Variants in CHD6 observed in about 807,000 individuals in gnomAD.
CHD6 encodes the protein ATP-dependent chromatin remodeler CHD6.
Under a neutral mutation model 276.9 loss-of-function variants are expected in CHD6, and 50 were observed. That is an observed-to-expected ratio of 0.18 (90% CI 0.14 to 0.23). The LOEUF is 0.23. Ranked by LOEUF, CHD6 falls within the 10% of genes least tolerant of loss-of-function variation. The pLI, the probability that CHD6 is intolerant of heterozygous loss-of-function variation, is 1.00. For missense variants in CHD6, 2,564 were observed against 3,365.8 expected (o/e 0.76, Z 5.89); for synonymous variants, 1,173 against 1,229.3 (o/e 0.95, Z 0.96).
chr20:41,457,347 C>T lies in CHD6; in HGVS notation c.2746G>A (p.Glu916Lys). 6.2e-7 allele frequency: 1 copy of T among 1,614,128 alleles called. No homozygotes were observed. The highest frequency in any genetic ancestry group is 8.5e-7 in the Non-Finnish European group (1 of 1,180,002). ...RLITRNSYER[E>K]MFDKASLKLG... ...TTTAGGCTGGCCTTGTCAAACATCT[C>T]GCGCTCGTAGGAATTTCGAGTGATG... Residue 916 changes from glutamate to lysine, a missense_variant, in exon 18 of 37, where the codon GAG becomes AAG. Around this residue, in one of 7 missense-constraint regions of CHD6, gnomAD observed 457 missense variants for 889.0 expected, o/e 0.51. Coordinates refer to ENST00000373233, the MANE Select transcript of CHD6 (RefSeq NM_032221.5).
chr20:41,413,268 G>T (rs1228013907), intron 35 of CHD6, 56 bp downstream of exon 35: 2 of 1,384,950 alleles, frequency 1.4e-6, no homozygotes, highest in Non-Finnish European at 1.9e-6. Context: ...ATCAAAAATA[G>T]CAACAAGTCA....
intron 36 of CHD6, among the ~76,000 whole-genome samples, chr20:41,407,813 G>A (rs2046724010): frequency 6.6e-6 from 1 of 152,204 alleles, no homozygotes; most frequent in Non-Finnish European, 1.5e-5. Flanking sequence ...ATAAGAGGAT[G>A]AGCAGCAGAA....
intron 36 of CHD6, among the ~76,000 whole-genome samples, chr20:41,407,743 C>G (rs2046720932): frequency 6.6e-6 from 1 of 152,206 alleles, no homozygotes; most frequent in Non-Finnish European, 1.5e-5. Context: ...GGTTCCCACA[C>G]TAGTGGGCAC....
chr20:41,417,574 T>C (rs2047041400), intron 31 of CHD6, among the ~76,000 whole-genome samples: 1 of 152,208 alleles, frequency 6.6e-6, no homozygotes, highest in South Asian at 2.1e-4. Flanking sequence ...AGTCTTCTAG[T>C]GAGCATTTGC....
At chr20:41,592,974 G>A (rs2045679235) in intron 1 of CHD6, among the ~76,000 whole-genome samples, 1 of 152,008 alleles carries the variant, frequency 6.6e-6, no homozygotes. Flanking sequence ...TTTAAGAAGT[G>A]ACTATGTAAA....
At chr20:41,597,377 A>G (rs1420778821) in intron 1 of CHD6, among the ~76,000 whole-genome samples, 2 of 152,226 alleles carry the variant, frequency 1.3e-5, no homozygotes, top group Admixed American at 6.5e-5. Flanking sequence ...GAGACAAAGG[A>G]TCAGTTTCTT....
intron 1 of CHD6, among the ~76,000 whole-genome samples, chr20:41,582,443 G>GT (rs1338223941): frequency 6.6e-6 from 1 of 152,174 alleles, no homozygotes; most frequent in Non-Finnish European, 1.5e-5. Flanking sequence ...TCCAAATCCT[G>GT]TAACAGGTGC....
chr20:41,527,449 A>T (rs924062218), intron 3 of CHD6, among the ~76,000 whole-genome samples: 2 of 152,170 alleles, frequency 1.3e-5, no homozygotes, highest in East Asian at 3.9e-4. Flanking sequence ...CCTTCAGCTC[A>T]GTCAAAATGC....
chr20:41,423,472 T>C lies in CHD6; in HGVS notation c.4555+20A>G. 6.2e-7 allele frequency: 1 copy of C among 1,605,688 alleles called. No individual in the cohort carries two copies. Among genetic ancestry groups the C allele is most frequent in the South Asian group, 1.1e-5 (1 of 90,894 alleles). ...GTTCTTTCCTTGTATCATCTGACAA[T>C]ATACTGATAGTTTTCTCACCGCCAT... On this transcript the variant is annotated intron_variant, in intron 30 of 36. Coordinates refer to ENST00000373233, the MANE Select transcript of CHD6 (RefSeq NM_032221.5).
At chr20:41,582,139 T>TA (rs1172588145) in intron 1 of CHD6, among the ~76,000 whole-genome samples, 59 of 148,484 alleles carry the variant, frequency 4.0e-4, no homozygotes, top group Middle Eastern at 3.5e-3. Flanking sequence ...TTCAATTACT[T>TA]AAAAAAAAAA....
At chr20:41,426,408 C>T (rs1368833691) in intron 27 of CHD6, among the ~76,000 whole-genome samples, 1 of 152,090 alleles carries the variant, frequency 6.6e-6, no homozygotes, top group Non-Finnish European at 1.5e-5. Flanking sequence ...AGAGAATCGG[C>T]TTGAGCAATG....
intron 1 of CHD6, among the ~76,000 whole-genome samples, chr20:41,588,739 T>G (rs1327887895): frequency 1.3e-5 from 2 of 152,130 alleles, no homozygotes; most frequent in African/African-American, 4.8e-5. Context: ...GAAAATTTTC[T>G]AGGACCAAAG....
At chr20:41,480,127 T>G (rs1248217173) in intron 16 of CHD6, among the ~76,000 whole-genome samples, 4 of 152,106 alleles carry the variant, frequency 2.6e-5, no homozygotes, top group African/African-American at 9.7e-5. Context: ...CAGGAGCTCC[T>G]GGAAGAGGTG....
chr20:41,571,699 A>G (rs2045419416), intron 1 of CHD6, among the ~76,000 whole-genome samples: 1 of 152,108 alleles, frequency 6.6e-6, no homozygotes. Flanking sequence ...GTTTTTAAAC[A>G]TTAAAAAAAA....
In CHD6 at chr20:41,425,238, T is replaced by C; in HGVS notation, c.4286A>G (p.Gln1429Arg). The change falls in exon 29 of 37, where the codon CAG becomes CGG. Residue 1429 changes from glutamine to arginine, a missense_variant. This residue lies in a region of CHD6 where 515 missense variants were observed against 739.5 expected (regional missense o/e 0.70). Transcript: ENST00000373233. ...TGAGGTTCTCCTGAACATCTCTTCC[T>C]GAACCCAATATCCTTGGTTACCTGG... The part of the protein sequence containing the change: ...LGPGNQGYWV[Q>R]EEMFRRTSEM... 6.2e-7 allele frequency: 1 copy of C among 1,614,220 alleles called. No homozygotes were observed. Among genetic ancestry groups the C allele is most frequent in the Non-Finnish European group, 8.5e-7 (1 of 1,180,040 alleles).
chr20:41,564,009 A>G (rs763955602), intron 1 of CHD6: 1 of 774,730 alleles, frequency 1.3e-6, no homozygotes, highest in Non-Finnish European at 2.4e-6. Context: ...GAACAGCAGT[A>G]CCTGTAGACT....
At chr20:41,535,365 C>G (rs2044805171) in intron 2 of CHD6, among the ~76,000 whole-genome samples, 1 of 152,134 alleles carries the variant, frequency 6.6e-6, no homozygotes, top group South Asian at 2.1e-4. Flanking sequence ...ATGAAGATGC[C>G]AATTTTGTAT....
chr20:41,466,115 T>C lies in CHD6; in HGVS notation c.2664+7207A>G, dbSNP rs186679705. Among the ~76,000 whole-genome samples the C allele has an allele frequency of 5.4e-4, 82 of 152,200 alleles. No individual in the cohort carries two copies. In the East Asian group the frequency reaches 0.013, roughly 23 times the overall value. On this transcript the variant is annotated intron_variant, in intron 17 of 36. Transcript: ENST00000373233. ...TACTTCGGAGGCTGAGGCAGGAGAA[T>C]TGCTTGAACCCAGGAGGTGGAGGTT... is the stretch of plus-strand genomic sequence containing the variant.
chr20:41,411,498 A>G lies in CHD6; in HGVS notation c.7251+646T>C, dbSNP rs542749721. Among the ~76,000 whole-genome samples, 10 of 152,322 alleles carry G rather than the reference A, an allele frequency of 6.6e-5. 1 individual carries two copies. Among genetic ancestry groups the G allele is most frequent in the African/African-American group, 2.4e-4 (10 of 41,562 alleles). On this transcript the variant is annotated intron_variant, in intron 36 of 36. Transcript: ENST00000373233. ...GCAGAAAGTGCTTTTAGGAGGCTAA[A>G]AGCACATTTATGTATAATCTGCCCA... is the stretch of plus-strand genomic sequence containing the variant.
Sources: allele counts gnomAD v4.1 joint callset (sites outside exome capture counted in the v4.1 genomes callset), GRCh38; gene constraint gnomAD v4.1.1; regional missense constraint gnomAD v4.1.1; transcripts MANE v1.5; gene names NCBI Gene and HGNC (gene_info 2026-07-23, HGNC 2026-07-21).